Variants in DLG2 observed in about 807,000 individuals in gnomAD.
The protein encoded by DLG2 is discs large MAGUK scaffold protein 2, also known as disks large homolog 2.
DLG2 carries 45 observed loss-of-function variants against 132.5 expected under a neutral mutation model. The observed-to-expected ratio is 0.34, with a 90% CI of 0.27 to 0.44. DLG2 has a LOEUF of 0.44. Ranked by LOEUF, DLG2 falls within the 20% of genes least tolerant of loss-of-function variation. The pLI, the probability that DLG2 is intolerant of heterozygous loss-of-function variation, is 1.00. For synonymous variants in DLG2, 424 were observed against 419.6 expected (o/e 1.01, Z -0.13); for missense variants, 1,045 against 1,196.9 (o/e 0.87, Z 1.87).
intron 18 of DLG2, among the ~76,000 whole-genome samples, chr11:83,786,049 G>A (rs1305907669): frequency 6.6e-6 from 1 of 152,098 alleles, no homozygotes; most frequent in Non-Finnish European, 1.5e-5. Context: ...TAACATCCCA[G>A]TTGTCTCATT....
chr11:84,629,122 C>T (rs2099627566), intron 6 of DLG2, among the ~76,000 whole-genome samples: 1 of 152,176 alleles, frequency 6.6e-6, no homozygotes, highest in Non-Finnish European at 1.5e-5. Context: ...GCCACTTTTG[C>T]TCTGTCTTTG....
intron 3 of DLG2, among the ~76,000 whole-genome samples, chr11:85,457,854 C>T (rs2092471212): frequency 6.6e-6 from 1 of 152,108 alleles, no homozygotes. Flanking sequence ...TTCTCTCTAG[C>T]TGCCTTTAAC....
chr11:83,544,412 T>C (rs900759353), intron 19 of DLG2, among the ~76,000 whole-genome samples: 1 of 152,150 alleles, frequency 6.6e-6, no homozygotes, highest in Non-Finnish European at 1.5e-5. Flanking sequence ...GTGAAGAAGG[T>C]ATGACAGACA....
Position 85,100,018 on chromosome 11 carries a change from C to G in DLG2, c.357+11643G>C, listed in dbSNP as rs1358529544. Among the ~76,000 whole-genome samples, 3 of 152,142 alleles carry G rather than the reference C, an allele frequency of 2.0e-5. 1 individual carries two copies. Among genetic ancestry groups the G allele is most frequent in the South Asian group, 4.2e-4 (2 of 4,816 alleles). On this transcript the variant is annotated intron_variant, in intron 6 of 27. Transcript: ENST00000376104. ...GCCAAAACCAAACGTACCAATGGTT[C>G]TGAGTTAGGAAATACCTTTCAAAGA...
chr11:85,062,994 T>C (rs534234112), intron 6 of DLG2, among the ~76,000 whole-genome samples: 27 of 151,776 alleles, frequency 1.8e-4, no homozygotes, highest in Non-Finnish European at 3.1e-4. Flanking sequence ...TATGTGCATA[T>C]TGTCAAAATT....
chr11:84,825,837 T>C (rs538408204), intron 6 of DLG2, among the ~76,000 whole-genome samples: 36 of 151,904 alleles, frequency 2.4e-4, no homozygotes, highest in Non-Finnish European at 4.7e-4. Flanking sequence ...CACAGAATGT[T>C]TTCTTTCTCT....
At chr11:85,310,526 A>G (rs2080250056) in intron 3 of DLG2, among the ~76,000 whole-genome samples, 2 of 152,192 alleles carry the variant, frequency 1.3e-5, no homozygotes, top group Admixed American at 6.5e-5. Context: ...AACAACCAGC[A>G]GATGTCTTGG....
At chr11:83,501,329 G>T (rs113322880) in intron 21 of DLG2, among the ~76,000 whole-genome samples, 6,972 of 152,002 alleles carry the variant, frequency 0.046, 550 homozygotes, top group African/African-American at 0.16. Context: ...GCAACCACTG[G>T]CAGGAAAAGC....
At chr11:85,549,233 G>A (rs1381533395) in intron 3 of DLG2, among the ~76,000 whole-genome samples, 1 of 152,086 alleles carries the variant, frequency 6.6e-6, no homozygotes, top group Admixed American at 6.5e-5. Flanking sequence ...GGATAGACAA[G>A]GTGTTCCCTG....
intron 7 of DLG2, among the ~76,000 whole-genome samples, chr11:84,347,721 T>A (rs1382239546): frequency 6.6e-6 from 1 of 152,192 alleles, no homozygotes; most frequent in Non-Finnish European, 1.5e-5. Flanking sequence ...AGAGCCCATT[T>A]TGTGACAATG....
intron 14 of DLG2, among the ~76,000 whole-genome samples, chr11:83,944,188 C>T (rs141267135): frequency 5.5e-4 from 84 of 152,268 alleles, no homozygotes; most frequent in Middle Eastern, 3.4e-3. Context: ...GACACTCTTC[C>T]CTCACTGACA....
intron 11 of DLG2, among the ~76,000 whole-genome samples, chr11:84,036,087 T>C (rs2095856503): frequency 6.6e-6 from 1 of 152,024 alleles, no homozygotes; most frequent in Non-Finnish European, 1.5e-5. Flanking sequence ...AATGTAAGCA[T>C]AGGGATGGAA....
rs1368487739 is a variant in DLG2 at position 85,284,220 on chromosome 11, TTAAGTA to T, written c.186+994_186+999del. On this transcript the variant is annotated intron_variant, in intron 4 of 27. Coordinates refer to ENST00000376104, the MANE Select transcript of DLG2 (RefSeq NM_001142699.3). ...TAGGATGATGCTTATTTTTATGCTT[TTAAGTA>T]TAATTTCACAAGGTTGATATCTATT... Among the ~76,000 whole-genome samples the T allele has an allele frequency of 3.9e-5, 6 of 151,954 alleles. No homozygotes were observed. The East Asian group carries it at 1.2e-3, about 29-fold the overall frequency.
chr11:85,147,505 T>C (rs2076945599), intron 5 of DLG2, among the ~76,000 whole-genome samples: 1 of 152,230 alleles, frequency 6.6e-6, no homozygotes, highest in African/African-American at 2.4e-5. Context: ...ACTACTGAGT[T>C]GTATAAGTTC....
chr11:84,973,111 C>T (rs2054340531), intron 6 of DLG2, among the ~76,000 whole-genome samples: 2 of 152,060 alleles, frequency 1.3e-5, no homozygotes, highest in Admixed American at 6.6e-5. Flanking sequence ...GTGCATCCCA[C>T]CACACCCACC....
intron 4 of DLG2, among the ~76,000 whole-genome samples, chr11:85,225,465 C>T (rs1241169921): frequency 6.6e-6 from 1 of 152,132 alleles, no homozygotes; most frequent in Non-Finnish European, 1.5e-5. Flanking sequence ...AAAATCTTAA[C>T]CTAAGTTTAT....
At chr11:83,689,605 GTTC>G (rs2080485383) in intron 18 of DLG2, among the ~76,000 whole-genome samples, 1 of 151,800 alleles carries the variant, frequency 6.6e-6, no homozygotes, top group African/African-American at 2.4e-5. Flanking sequence ...TAGCTGTTGT[GTTC>G]TTATGAAATA....
intron 7 of DLG2, among the ~76,000 whole-genome samples, chr11:84,365,417 T>C (rs2098676078): frequency 1.3e-5 from 2 of 152,098 alleles, no homozygotes; most frequent in South Asian, 4.1e-4. Context: ...TTTTAATTAG[T>C]CTTGCTAGCG....
chr11:85,411,204 A>C lies in DLG2; in HGVS notation c.41-125839T>G, dbSNP rs567543298. Among the ~76,000 whole-genome samples the C allele has an allele frequency of 3.3e-5, 5 of 151,998 alleles. No individual in the cohort carries two copies. The Admixed American group carries it at 3.3e-4, about 10-fold the overall frequency. ...AGTGACATGATCAAGGCAGTACCTTATTATTACATGCATGCAGTGTACATC... is the reference window on the plus strand; with the variant it reads ...AGTGACATGATCAAGGCAGTACCTTCTTATTACATGCATGCAGTGTACATC... On this transcript the variant is annotated intron_variant, in intron 3 of 27. Transcript: ENST00000376104.
Sources: gnomAD v4.1 joint callset for allele counts (sites outside exome capture counted in the v4.1 genomes callset) on GRCh38, gnomAD v4.1.1 for gene constraint, MANE v1.5 for transcripts, NCBI Gene and HGNC (gene_info 2026-07-23, HGNC 2026-07-21) for gene names.